UBE4A: variants seen among roughly 807,000 people sequenced by gnomAD.
UBE4A encodes the protein ubiquitin conjugation factor E4 A.
Under a neutral mutation model 117.9 loss-of-function variants are expected in UBE4A, and 48 were observed. That is an observed-to-expected ratio of 0.41 (90% CI 0.32 to 0.52). The LOEUF is 0.52. Ranked by LOEUF, UBE4A falls within the 20% of genes least tolerant of loss-of-function variation. UBE4A has a pLI of 0.33. For missense variants in UBE4A, 1,067 were observed against 1,296.3 expected (o/e 0.82, Z 2.72); for synonymous variants, 407 against 450.0 (o/e 0.90, Z 1.21).
At chr11:118,365,250 C>G (rs1948554067) in intron 2 of UBE4A, 49 bp downstream of exon 2, 7 of 1,472,270 alleles carry the variant, frequency 4.8e-6, no homozygotes, top group Non-Finnish European at 6.3e-6. Flanking sequence ...AGAATGGGGT[C>G]TTCCCAAATT....
chr11:118,372,642 A>G lies in UBE4A; in HGVS notation c.697A>G (p.Met233Val). ...QNIHEQLVDLMLEAIQGAHFE... is the reference protein window; with the variant it reads ...QNIHEQLVDLVLEAIQGAHFE... ...CATCCATGAGCAACTGGTAGATTTG[A>G]TGTTAGAAGCCATCCAGGGAGCCCG... The change falls in exon 6 of 20, where the codon ATG becomes GTG. Residue 233 changes from methionine to valine, a missense_variant. Met to Val is a conservative substitution (Grantham distance 21). Around this residue, in one of 3 missense-constraint regions of UBE4A, gnomAD observed 1,001 missense variants for 1,184.0 expected, o/e 0.85. Coordinates refer to ENST00000252108, the MANE Select transcript of UBE4A (RefSeq NM_001204077.2). 6.2e-7 allele frequency: 1 copy of G among 1,614,136 alleles called. No individual in the cohort carries two copies. Among genetic ancestry groups the G allele is most frequent in the South Asian group, 1.1e-5 (1 of 91,076 alleles).
At chr11:118,369,567 T>C (rs750941537) in intron 4 of UBE4A, 32 bp downstream of exon 4, 2 of 1,522,604 alleles carry the variant, frequency 1.3e-6, no homozygotes, top group South Asian at 2.3e-5. Context: ...TGTGTGCCCT[T>C]AGCAAAAATT....
intron 11 of UBE4A, among the ~76,000 whole-genome samples, chr11:118,380,763 G>C (rs1187790670): frequency 1.3e-5 from 2 of 152,142 alleles, no homozygotes; most frequent in Non-Finnish European, 2.9e-5. Context: ...TGTGGTTGTT[G>C]ACAGGCCTCA....
chr11:118,379,669 G>A lies in UBE4A; in HGVS notation c.1795G>A (p.Ala599Thr), dbSNP rs1475124844. ...CATGGCTGTTCTACTGGTTCAACTG[G>A]CCATAGGCAATGAGGGCTCACAGCC... ...VSMAVLLVQL[A>T]IGNEGSQPIE... The change falls in exon 11 of 20, where the codon GCC becomes ACC. Residue 599 changes from alanine (A) to threonine (T), a missense_variant. Transcript: ENST00000252108. 2 of 1,614,170 alleles carry A rather than the reference G, an allele frequency of 1.2e-6. No homozygotes were observed. The highest frequency in any genetic ancestry group is 2.7e-5 in the African/African-American group (2 of 75,032).
intron 16 of UBE4A, among the ~76,000 whole-genome samples, chr11:118,389,499 T>C (rs1227929052): frequency 1.3e-5 from 2 of 152,240 alleles, no homozygotes; most frequent in Non-Finnish European, 2.9e-5. Context: ...TGTTTATCTC[T>C]GGATGGTAGT....
At chr11:118,380,134 CGTGTGTGTGTGTGTGTGTGT>C (rs55892936) in intron 11 of UBE4A, among the ~76,000 whole-genome samples, 317 of 137,008 alleles carry the variant, frequency 2.3e-3, no homozygotes, top group African/African-American at 7.2e-3. Flanking sequence ...TGTGTGTGTG[CGTGTGTGTGTGTGTGTGTGT>C]GTGTGTGTGT....
intron 2 of UBE4A, among the ~76,000 whole-genome samples, chr11:118,367,405 GT>G (rs544857147): frequency 6.6e-6 from 1 of 151,280 alleles, no homozygotes; most frequent in African/African-American, 2.4e-5. Context: ...CCATTAAATT[GT>G]TTTTTTACCT....
At chr11:118,391,053 T>C (rs1948811418) in intron 18 of UBE4A, among the ~76,000 whole-genome samples, 1 of 152,194 alleles carries the variant, frequency 6.6e-6, no homozygotes, top group Non-Finnish European at 1.5e-5. Flanking sequence ...TCACCTCAGC[T>C]GTGCTGATTT....
intron 10 of UBE4A, among the ~76,000 whole-genome samples, chr11:118,377,691 T>A (rs1456784298): frequency 6.6e-6 from 1 of 151,686 alleles, no homozygotes. Flanking sequence ...GGCAGGCAGA[T>A]CACTTGAGCC....
chr11:118,388,751 A>G (rs1948783897), intron 16 of UBE4A, among the ~76,000 whole-genome samples: 1 of 152,204 alleles, frequency 6.6e-6, no homozygotes, highest in Non-Finnish European at 1.5e-5. Flanking sequence ...TCCACCAGTA[A>G]AGACATTAAA....
chr11:118,377,506 C>A (rs781831329), intron 10 of UBE4A, among the ~76,000 whole-genome samples: 1 of 151,998 alleles, frequency 6.6e-6, no homozygotes, highest in African/African-American at 2.4e-5. Context: ...CTGTGCCTGG[C>A]CTGTTTTTTA....
At chr11:118,390,373 ATAATATATT>A (rs1168350537) in intron 17 of UBE4A, among the ~76,000 whole-genome samples, 4 of 146,092 alleles carry the variant, frequency 2.7e-5, no homozygotes, top group African/African-American at 2.5e-5. Flanking sequence ...TATTAAATAT[ATAATATATT>A]TAATATATAT....
chr11:118,379,881 CT>C, intron 11 of UBE4A, 131 bp downstream of exon 11: 1 of 1,092,214 alleles, frequency 9.2e-7, no homozygotes, highest in Non-Finnish European at 1.3e-6. Context: ...ACAACTCAAA[CT>C]TAGATAATAT....
chr11:118,368,935 T>G, intron 3 of UBE4A, 131 bp downstream of exon 3: 1 of 930,824 alleles, frequency 1.1e-6, no homozygotes, highest in South Asian at 1.6e-5. Flanking sequence ...AACTCAGGGT[T>G]TATATTTCAG....
At chr11:118,362,653 G>C (rs1051544136) in intron 1 of UBE4A, among the ~76,000 whole-genome samples, 3 of 152,164 alleles carry the variant, frequency 2.0e-5, no homozygotes, top group African/African-American at 7.2e-5. Flanking sequence ...GTTTTCTAGT[G>C]TATGTTGGCT....
intron 15 of UBE4A, 119 bp downstream of exon 15, chr11:118,385,064 G>C: frequency 1.2e-6 from 1 of 859,738 alleles, no homozygotes; most frequent in Non-Finnish European, 1.8e-6. Flanking sequence ...TACCAGACTT[G>C]AACACCAAAA....
chr11:118,373,901 G>A (rs1948629640), intron 8 of UBE4A, among the ~76,000 whole-genome samples: 1 of 152,136 alleles, frequency 6.6e-6, no homozygotes, highest in Admixed American at 6.5e-5. Flanking sequence ...GAGCCCAGGA[G>A]TTCAATTTGA....
intron 19 of UBE4A, 21 bp downstream of exon 19, chr11:118,392,916 G>T: frequency 6.2e-7 from 1 of 1,610,790 alleles, no homozygotes; most frequent in South Asian, 1.1e-5. Context: ...CCCAAAAACA[G>T]ACTCAAGAGC....
At chr11:118,380,134 C>T (rs74580564) in intron 11 of UBE4A, among the ~76,000 whole-genome samples, 3,140 of 136,760 alleles carry the variant, frequency 0.023, 51 homozygotes, top group Non-Finnish European at 0.037. Context: ...TGTGTGTGTG[C>T]GTGTGTGTGT....
Sources: allele counts gnomAD v4.1 joint callset (sites outside exome capture counted in the v4.1 genomes callset), GRCh38; gene constraint gnomAD v4.1.1; regional missense constraint gnomAD v4.1.1; transcripts MANE v1.5; gene names NCBI Gene and HGNC (gene_info 2026-07-23, HGNC 2026-07-21).